Variants in FER1L5 observed in about 807,000 individuals in gnomAD.
FER1L5 encodes fer-1-like protein 5.
In FER1L5, 187 loss-of-function variants were observed where a neutral mutation model predicts 279.9. The ratio of observed to expected loss-of-function variants is 0.67; its 90% CI spans 0.59 to 0.75. FER1L5 has a LOEUF of 0.75. Among genes scored for constraint, FER1L5 ranks in the 30% least tolerant of loss-of-function variants. The probability of loss-of-function intolerance (pLI) is 0.00; values close to 1 mark genes in which losing one functional copy is unlikely to be tolerated. For synonymous variants in FER1L5, 921 were observed against 989.7 expected, an observed-to-expected ratio of 0.93 and a Z score of 1.30; for missense variants, 2,091 against 2,594.4, an observed-to-expected ratio of 0.81 and a Z score of 4.21.
In FER1L5 at chr2:96,684,336, A is replaced by G. The variant is rs915230891; in HGVS notation, c.1679A>G (p.Tyr560Cys). 6.4e-7 allele frequency: 1 copy of G among 1,551,404 alleles called. No individual in the cohort carries two copies. Among genetic ancestry groups the G allele is most frequent in the African/African-American group, 1.4e-5 (1 of 73,022 alleles). Reference sequence around the variant, plus strand: ...TGTCTCTGTGTCTCAGGGAACATCTACCATTATGTGCCCTGGTACAACACC... The same window carrying G: ...TGTCTCTGTGTCTCAGGGAACATCTGCCATTATGTGCCCTGGTACAACACC... ...YSPVIYDGNI[Y>C]HYVPWYNTKP... is the part of the protein sequence containing the mutation. The change falls in exon 20 of 53, where the codon TAC (tyrosine) becomes TGC (cysteine). Residue 560 changes from tyrosine (Y) to cysteine (C), a missense_variant. Physicochemically the swap from Tyr to Cys is radical, Grantham distance 194 (BLOSUM62 -2). Transcript: ENST00000624922.
At chr2:96,692,300 G>A in intron 31 of FER1L5, 119 bp downstream of exon 31, 1 of 1,087,076 alleles carries the variant, frequency 9.2e-7, no homozygotes, top group Non-Finnish European at 1.4e-6. Context: ...GCCCCTGCCT[G>A]TCGGCCCCTC....
chr2:96,676,464 G>C (rs1165973163), intron 19 of FER1L5, among the ~76,000 whole-genome samples: 1 of 152,170 alleles, frequency 6.6e-6, no homozygotes, highest in East Asian at 1.9e-4. Context: ...GCTGGGCCCG[G>C]CCTAGTTGTT....
intron 1 of FER1L5, among the ~76,000 whole-genome samples, chr2:96,645,451 T>TCA (rs2075077312): frequency 6.6e-6 from 1 of 152,016 alleles, no homozygotes; most frequent in Non-Finnish European, 1.5e-5. Flanking sequence ...CCAGAGTGAG[T>TCA]CACACAGCCC....
chr2:96,699,640 A>G lies in FER1L5; in HGVS notation c.4701A>G (p.Ile1567Met). The G allele has an allele frequency of 6.2e-7, 1 of 1,614,042 alleles. No individual in the cohort carries two copies. Among genetic ancestry groups the G allele is most frequent in the Non-Finnish European group, 8.5e-7 (1 of 1,179,896 alleles). ...DFDLFSPDDK[I>M]GTTVIDLENR... The stretch of plus-strand genomic sequence containing the variant: ...ACCTATTTTCACCTGATGATAAGAT[A>G]GGAACCACAGTCATCGACCTTGAAA... The change falls in exon 43 of 53, where the codon ATA becomes ATG. Residue 1567 changes from isoleucine to methionine, a missense_variant. Physicochemically the swap from Ile to Met is conservative, Grantham distance 10 (BLOSUM62 1). Transcript: ENST00000624922.
chr2:96,700,685 G>T (rs972061685), intron 45 of FER1L5, among the ~76,000 whole-genome samples: 6 of 152,198 alleles, frequency 3.9e-5, no homozygotes, highest in Admixed American at 3.9e-4. Flanking sequence ...AGCTGGAAAG[G>T]TCATCTACAA....
intron 19 of FER1L5, among the ~76,000 whole-genome samples, chr2:96,678,804 G>C (rs2076607133): frequency 6.6e-6 from 1 of 152,184 alleles, no homozygotes; most frequent in South Asian, 2.1e-4. Flanking sequence ...TGTGTTGCCT[G>C]TTTTTAAATT....
intron 19 of FER1L5, among the ~76,000 whole-genome samples, chr2:96,682,917 A>G (rs924477681): frequency 1.3e-5 from 2 of 152,156 alleles, no homozygotes; most frequent in African/African-American, 2.4e-5. Flanking sequence ...ACTACTTGAG[A>G]CCACTTTAAA....
chr2:96,686,382 G>A (rs2076926080), intron 23 of FER1L5, 32 bp downstream of exon 23: 1 of 1,536,202 alleles, frequency 6.5e-7, no homozygotes, highest in Non-Finnish European at 8.8e-7. Context: ...GGGGAGGACA[G>A]GGCTGAGAAA....
chr2:96,688,602 T>TA (rs1449712290), intron 24 of FER1L5, among the ~76,000 whole-genome samples: 1 of 152,174 alleles, frequency 6.6e-6, no homozygotes, highest in African/African-American at 2.4e-5. Context: ...CTTTTTAACT[T>TA]ACTGAATTAA....
intron 9 of FER1L5, among the ~76,000 whole-genome samples, chr2:96,655,951 G>A (rs748661067): frequency 3.3e-5 from 5 of 151,876 alleles, no homozygotes; most frequent in African/African-American, 4.8e-5. Context: ...GGCTTAAGCC[G>A]TCCTCCCACC....
In FER1L5 at chr2:96,684,452, G is replaced by T; in HGVS notation, c.1794+1G>T. On this transcript the variant is annotated splice_donor_variant, in intron 20 of 52. Coordinates refer to ENST00000624922, the MANE Select transcript of FER1L5 (RefSeq NM_001293083.2). LOFTEE classifies it high-confidence loss of function. Reference sequence around the variant, plus strand: ...CCTCCACTTCACTCGGGACCGCCTGGTGAGTGGTGCGGGAGCCGATGCTGG... The same window carrying T: ...CCTCCACTTCACTCGGGACCGCCTGTTGAGTGGTGCGGGAGCCGATGCTGG... 6.4e-7 allele frequency: 1 copy of T among 1,551,252 alleles called. No individual in the cohort carries two copies. The highest frequency in any genetic ancestry group is 2.4e-5 in the East Asian group (1 of 40,920).
At position 96,686,047 on chromosome 2, in the gene FER1L5, A is replaced by G. The variant is rs2076911389; in HGVS notation, c.2003A>G (p.Gln668Arg). 1.9e-6 allele frequency: 3 copies of G among 1,551,648 alleles called. No individual in the cohort carries two copies. Among genetic ancestry groups the G allele is most frequent in the East Asian group, 4.9e-5 (2 of 40,922 alleles). The change falls in exon 22 of 53, where the codon CAA (glutamine) becomes CGA (arginine). Residue 668 changes from glutamine to arginine, a missense_variant. Gln to Arg is a conservative substitution (Grantham distance 43). Coordinates refer to ENST00000624922, the MANE Select transcript of FER1L5 (RefSeq NM_001293083.2). ...CAGGAACTGGCCCAAAAGGCCAAGCAAGCCAAGCCCAAGGACATGGTGGCC... is the reference window on the plus strand; with the variant it reads ...CAGGAACTGGCCCAAAAGGCCAAGCGAGCCAAGCCCAAGGACATGGTGGCC... ...LLQELAQKAK[Q>R]AKPKDMVATA...
chr2:96,654,898 C>CAAAAAAA (rs761973265), intron 9 of FER1L5: 1 of 53,180 alleles, frequency 1.9e-5, no homozygotes, highest in African/African-American at 5.8e-5. Context: ...GACTCCATCT[C>CAAAAAAA]AAAAAAAAAA....
chr2:96,668,862 C>T lies in FER1L5; in HGVS notation c.1185-24C>T, dbSNP rs1021007914. 4 of 1,551,452 alleles carry T rather than the reference C, an allele frequency of 2.6e-6. No individual in the cohort carries two copies. The African/African-American group carries it at 4.1e-5, about 16-fold the overall frequency. On this transcript the variant is annotated intron_variant, in intron 15 of 52. Transcript: ENST00000624922. ...AATGAGAGCTGGGCCGGGGGCTCAG[C>T]CTGAGGAGTGTGTTTCTCTCTAGCC...
At chr2:96,671,106 CAAAAAA>C (rs750341048) in intron 18 of FER1L5, among the ~76,000 whole-genome samples, 11 of 40,218 alleles carry the variant, frequency 2.7e-4, no homozygotes, top group South Asian at 1.3e-3. Context: ...GACTCCATCT[CAAAAAA>C]AAAAAAAAAA....
intron 19 of FER1L5, among the ~76,000 whole-genome samples, chr2:96,683,141 T>A (rs1264669826): frequency 6.6e-6 from 1 of 152,010 alleles, no homozygotes; most frequent in Non-Finnish European, 1.5e-5. Context: ...GGGTTTGGAG[T>A]TCGTGATCTG....
chr2:96,681,578 T>C (rs1005894588), intron 19 of FER1L5, among the ~76,000 whole-genome samples: 2 of 152,030 alleles, frequency 1.3e-5, no homozygotes, highest in African/African-American at 4.8e-5. Flanking sequence ...GTACATTTGA[T>C]ATATGGTTTT....
chr2:96,703,311 T>C lies in FER1L5; in HGVS notation c.5656T>C (p.Cys1886Arg), dbSNP rs1204741325. 6.2e-7 allele frequency: 1 copy of C among 1,613,090 alleles called. No individual in the cohort carries two copies. Among genetic ancestry groups the C allele is most frequent in the East Asian group, 2.2e-5 (1 of 44,880 alleles). The change falls in exon 50 of 53, where the codon TGC becomes CGC. Residue 1886 changes from cysteine to arginine, a missense_variant. Physicochemically the swap from Cys to Arg is radical, Grantham distance 180 (BLOSUM62 -3). Transcript: ENST00000624922. Reference sequence around the variant, plus strand: ...GAAGACTGTGACTGGCTGGTGGCCTTGCCAGGTCCTCGATGGTGGCAAATG... The same window carrying C: ...GAAGACTGTGACTGGCTGGTGGCCTCGCCAGGTCCTCGATGGTGGCAAATG... The part of the protein sequence containing the change: ...KKKTVTGWWP[C>R]QVLDGGKWRL...
chr2:96,669,350 G>C (rs1017522353), intron 17 of FER1L5, among the ~76,000 whole-genome samples: 5 of 152,216 alleles, frequency 3.3e-5, no homozygotes, highest in African/African-American at 1.2e-4. Flanking sequence ...GGCTTTCCCT[G>C]AGGAAGGGGC....
Sources: gnomAD v4.1 joint callset for allele counts (sites outside exome capture counted in the v4.1 genomes callset) on GRCh38, gnomAD v4.1.1 for gene constraint, MANE v1.5 for transcripts, NCBI Gene and HGNC (gene_info 2026-07-23, HGNC 2026-07-21) for gene names.